Variants in KLHL20 observed in about 807,000 individuals in gnomAD.
KLHL20 encodes kelch like family member 20.
Under a neutral mutation model 69.5 loss-of-function variants are expected in KLHL20, and 29 were observed. The observed-to-expected ratio is 0.42, with a 90% CI of 0.31 to 0.57. The LOEUF (loss-of-function observed/expected upper bound fraction) is 0.57, where lower values mean the gene tolerates loss of function less well. KLHL20 is among the 20% of genes least tolerant of loss of function. KLHL20 has a pLI of 0.18. For missense variants in KLHL20, 419 were observed against 776.0 expected (o/e 0.54, Z 5.47); for synonymous variants, 253 against 265.2 (o/e 0.95, Z 0.45).
intron 2 of KLHL20, among the ~76,000 whole-genome samples, chr1:173,732,129 G>A (rs935334704): frequency 1.3e-5 from 2 of 151,802 alleles, no homozygotes; most frequent in African/African-American, 4.8e-5. Flanking sequence ...CCCAGGAGGC[G>A]GAAGTTGCAG....
intron 8 of KLHL20, among the ~76,000 whole-genome samples, chr1:173,772,918 G>C (rs1648189880): frequency 6.6e-6 from 1 of 152,190 alleles, no homozygotes; most frequent in African/African-American, 2.4e-5. Context: ...TAAAACAGAT[G>C]AATTGCAGGG....
At chr1:173,733,527 C>A (rs1365705842) in intron 2 of KLHL20, among the ~76,000 whole-genome samples, 186 bp from the exon 3 acceptor site, 1 of 151,944 alleles carries the variant, frequency 6.6e-6, no homozygotes, top group Admixed American at 6.6e-5. Context: ...GCAACAGGAT[C>A]ACTTGAGCCC....
At chr1:173,720,180 T>C (rs1671652105) in intron 2 of KLHL20, among the ~76,000 whole-genome samples, 1 of 152,094 alleles carries the variant, frequency 6.6e-6, no homozygotes. Context: ...AATAGAGATG[T>C]AAACTTAAGA....
rs572559287 is a variant in KLHL20 at position 173,734,251 on chromosome 1, A to G, written c.562A>G (p.Ile188Val). The change falls in exon 3 of 12, where the codon ATA becomes GTA. Residue 188 changes from isoleucine to valine, a missense_variant. Physicochemically the swap from Ile to Val is conservative, Grantham distance 29. This residue lies in a region of KLHL20 where 99 missense variants were observed against 240.7 expected (regional missense o/e 0.41). Transcript: ENST00000209884. Reference protein sequence around the residue: ...DTHSCRELLRIADKFTQHNFQ... With the variant: ...DTHSCRELLRVADKFTQHNFQ... ...ACATTCATGTCGTGAGTTGCTAAGG[A>G]TAGCAGACAAGTTCACCCAACATAA... 1.7e-5 allele frequency: 27 copies of G among 1,614,094 alleles called. No individual in the cohort carries two copies. Among genetic ancestry groups the G allele is most frequent in the Non-Finnish European group, 2.3e-5 (27 of 1,180,040 alleles).
intron 7 of KLHL20, among the ~76,000 whole-genome samples, chr1:173,762,582 A>G (rs7521884): frequency 0.34 from 52,367 of 152,084 alleles, 9,872 homozygotes; most frequent in African/African-American, 0.51. Flanking sequence ...TTTAACATAT[A>G]GAAGTCAATA....
At chr1:173,779,939 G>A (rs999421230) in intron 10 of KLHL20, among the ~76,000 whole-genome samples, 7 of 152,156 alleles carry the variant, frequency 4.6e-5, no homozygotes, top group African/African-American at 9.7e-5. Flanking sequence ...ACTTCTGGGC[G>A]AAGTATAGAA....
At position 173,733,314 on chromosome 1, in the gene KLHL20, C is replaced by T. The variant is rs147568235; in HGVS notation, c.24-399C>T. On this transcript the variant is annotated intron_variant, in intron 2 of 11. Transcript: ENST00000209884. ...ACAGACATGAGCCACCACACCAGGCCGTCAGTCCAAACTTTTTATATTGTC... is the reference window on the plus strand; with the variant it reads ...ACAGACATGAGCCACCACACCAGGCTGTCAGTCCAAACTTTTTATATTGTC... Among the ~76,000 whole-genome samples, 418 of 152,158 alleles carry T rather than the reference C, an allele frequency of 2.7e-3. 3 individuals are homozygous for T. The highest frequency in any genetic ancestry group is 9.3e-3 in the African/African-American group (388 of 41,520).
chr1:173,770,438 C>T (rs763452632), intron 8 of KLHL20, among the ~76,000 whole-genome samples: 1 of 152,112 alleles, frequency 6.6e-6, no homozygotes, highest in Non-Finnish European at 1.5e-5. Context: ...TGGCTCACGC[C>T]TGTAATCCCA....
intron 7 of KLHL20, among the ~76,000 whole-genome samples, chr1:173,763,053 CA>C (rs1400848397): frequency 6.6e-6 from 1 of 152,058 alleles, no homozygotes; most frequent in Admixed American, 6.6e-5. Flanking sequence ...TTAATGTACA[CA>C]AATCAGTAGC....
chr1:173,764,611 G>A (rs1001822069), intron 7 of KLHL20, among the ~76,000 whole-genome samples: 9 of 152,140 alleles, frequency 5.9e-5, no homozygotes, highest in Non-Finnish European at 1.3e-4. Context: ...TATTCTAAGC[G>A]ATGTAACTCA....
intron 2 of KLHL20, among the ~76,000 whole-genome samples, chr1:173,719,765 T>C (rs911700172): frequency 3.9e-5 from 6 of 152,220 alleles, no homozygotes; most frequent in African/African-American, 9.7e-5. Context: ...TCCCAAGATA[T>C]TAATTTTCAA....
intron 3 of KLHL20, among the ~76,000 whole-genome samples, chr1:173,741,284 T>G (rs1432972304): frequency 6.6e-6 from 1 of 152,212 alleles, no homozygotes; most frequent in African/African-American, 2.4e-5. Context: ...CACACACTGT[T>G]CTGTCTGTCC....
intron 3 of KLHL20, among the ~76,000 whole-genome samples, chr1:173,745,170 C>CT (rs796578983): frequency 0.12 from 13,589 of 115,522 alleles, 1,381 homozygotes; most frequent in East Asian, 0.29. Flanking sequence ...TTTCTTTTTT[C>CT]TTTTTTTTTT....
rs1180263879 is a variant in KLHL20 at position 173,785,365 on chromosome 1, A to C, written c.*118A>C. 9.5e-6 allele frequency: 5 copies of C among 526,146 alleles called. No individual in the cohort carries two copies. Among genetic ancestry groups the C allele is most frequent in the Non-Finnish European group, 1.6e-5 (5 of 314,210 alleles). 32.6% of individuals were successfully genotyped at this position (526,146 alleles called of 1,614,324 possible). On this transcript the variant is annotated 3_prime_UTR_variant, in exon 12 of 12. Transcript: ENST00000209884. Reference sequence around the variant, plus strand: ...TTTTATTATTTGCCGGTGCCTCAACAAATGGAAATACAATCCAATGAAAGT... The same window carrying C: ...TTTTATTATTTGCCGGTGCCTCAACCAATGGAAATACAATCCAATGAAAGT...
intron 2 of KLHL20, among the ~76,000 whole-genome samples, chr1:173,719,455 A>G (rs867669029): frequency 3.9e-5 from 6 of 152,192 alleles, no homozygotes; most frequent in Middle Eastern, 3.4e-3. Context: ...TACTAAAAAT[A>G]CAAAAATTAG....
rs373432519 is a variant in KLHL20 at position 173,751,930 on chromosome 1, T to C, written c.756+8T>C. The C allele has an allele frequency of 4.6e-5, 74 of 1,611,858 alleles. No homozygotes were observed. The Middle Eastern group carries it at 4.9e-4, about 11-fold the overall frequency. ...CGTCCTCAATTACCCCAGGTAATGA[T>C]AGAAATTCTTCTCTAAGAAACTGCT... is the stretch of plus-strand genomic sequence containing the variant. On this transcript the variant is annotated splice_region_variant and intron_variant, in intron 4 of 11. Transcript: ENST00000209884.
chr1:173,729,446 C>G (rs1209156842), intron 2 of KLHL20, among the ~76,000 whole-genome samples: 1 of 152,156 alleles, frequency 6.6e-6, no homozygotes, highest in Admixed American at 6.5e-5. Flanking sequence ...ACCAATATCC[C>G]TGATGAACAT....
intron 3 of KLHL20, among the ~76,000 whole-genome samples, chr1:173,742,396 AGTTTG>A (rs1333812813): frequency 6.6e-6 from 1 of 152,174 alleles, no homozygotes; most frequent in Non-Finnish European, 1.5e-5. Flanking sequence ...AGAATGGAAC[AGTTTG>A]GCACCATAAA....
chr1:173,752,281 G>A (rs1321262631), intron 4 of KLHL20, among the ~76,000 whole-genome samples: 1 of 151,368 alleles, frequency 6.6e-6, no homozygotes, highest in South Asian at 2.1e-4. Flanking sequence ...ATACGTATTT[G>A]TCTTGCAAAC....
Sources: allele counts gnomAD v4.1 joint callset (sites outside exome capture counted in the v4.1 genomes callset), GRCh38; gene constraint gnomAD v4.1.1; regional missense constraint gnomAD v4.1.1; transcripts MANE v1.5; gene names NCBI Gene and HGNC (gene_info 2026-07-23, HGNC 2026-07-21).